TMPRSS9: variants seen among roughly 807,000 people sequenced by gnomAD.
TMPRSS9 encodes transmembrane protease serine 9.
A neutral mutation model predicts 111.4 loss-of-function variants in TMPRSS9; 113 were observed. The observed-to-expected ratio is 1.01, with a 90% confidence interval of 0.87 to 1.19. The LOEUF (loss-of-function observed/expected upper bound fraction) is 1.19, where lower values mean the gene tolerates loss of function less well. Among genes scored for constraint, TMPRSS9 ranks in the 50% most tolerant of loss-of-function variants. The probability of loss-of-function intolerance (pLI) is 0.00; values close to 1 mark genes in which losing one functional copy is unlikely to be tolerated. For missense variants in TMPRSS9, 1,803 were observed against 1,513.1 expected (o/e 1.19, Z -3.18); for synonymous variants, 805 against 659.1 (o/e 1.22, Z -3.39).
At chr19:2,409,208 T>C (rs536244839) in intron 8 of TMPRSS9, among the ~76,000 whole-genome samples, 102 of 149,400 alleles carry the variant, frequency 6.8e-4, no homozygotes, top group Non-Finnish European at 1.2e-3. Context: ...TGGTGCGATC[T>C]CTGCTCACTG....
At chr19:2,371,910 G>A (rs958589939) in intron 1 of TMPRSS9, among the ~76,000 whole-genome samples, 2 of 152,156 alleles carry the variant, frequency 1.3e-5, no homozygotes, top group Non-Finnish European at 2.9e-5. Context: ...GAGGCTGGTC[G>A]AGCCACAGGC....
At chr19:2,418,044 T>C (rs377760334) in exon 13 of TMPRSS9, 18 of 1,612,216 alleles carry the variant, frequency 1.1e-5, no homozygotes, top group African/African-American at 6.7e-5. Flanking sequence ...GTGGGCATCA[T>C]AGACCAGAAA....
At chr19:2,410,952 A>T (rs114122046) in intron 9 of TMPRSS9, among the ~76,000 whole-genome samples, 14,061 of 151,942 alleles carry the variant, frequency 0.093, 927 homozygotes, top group East Asian at 0.26. Flanking sequence ...AACCCCGTGG[A>T]CTTTTGCCCC....
chr19:2,394,312 A>G (rs963849322), intron 1 of TMPRSS9, among the ~76,000 whole-genome samples: 2 of 152,096 alleles, frequency 1.3e-5, no homozygotes, highest in Non-Finnish European at 2.9e-5. Flanking sequence ...ACCTGAGCCC[A>G]TGAGGTCGAG....
At chr19:2,424,599 C>T (rs1323543605) in intron 15 of TMPRSS9, among the ~76,000 whole-genome samples, 2 of 151,826 alleles carry the variant, frequency 1.3e-5, no homozygotes, top group Admixed American at 6.6e-5. Flanking sequence ...CCCCAGCCCT[C>T]GCCCCTGGGA....
chr19:2,395,744 A>C (rs1426498586), intron 1 of TMPRSS9, among the ~76,000 whole-genome samples: 1 of 152,058 alleles, frequency 6.6e-6, no homozygotes, highest in Admixed American at 6.6e-5. Flanking sequence ...GTGGTGGCTC[A>C]CGCCTGTAAT....
chr19:2,424,024 C>A, intron 14 of TMPRSS9, 65 bp from the exon 16 acceptor site: 1 of 1,244,036 alleles, frequency 8.0e-7, no homozygotes, highest in Non-Finnish European at 1.0e-6. Flanking sequence ...GAGGCGGCGC[C>A]CAGGGGGGCC....
chr19:2,396,371 T>C (rs906803805), intron 1 of TMPRSS9, 168 bp from the exon 3 acceptor site: 6 of 727,556 alleles, frequency 8.2e-6, no homozygotes, highest in Non-Finnish European at 1.2e-5. Flanking sequence ...GGGAGAGCCC[T>C]GTGAGTAGCT....
At chr19:2,367,419 G>A (rs917501525) in intron 1 of TMPRSS9, among the ~76,000 whole-genome samples, 11 of 151,990 alleles carry the variant, frequency 7.2e-5, no homozygotes, top group Middle Eastern at 3.4e-3. Flanking sequence ...TTTCAAGATG[G>A]AGTCTTGCTC....
At chr19:2,418,331 CTT>C (rs1159243284) in intron 13 of TMPRSS9, among the ~76,000 whole-genome samples, 193 bp downstream of exon 14, 13 of 44,578 alleles carry the variant, frequency 2.9e-4, no homozygotes, top group African/African-American at 2.8e-3. Context: ...CCCTCCCTCC[CTT>C]TCCTTCCCTC....
chr19:2,363,821 T>A (rs536776446), intron 1 of TMPRSS9, among the ~76,000 whole-genome samples: 1 of 112,168 alleles, frequency 8.9e-6, no homozygotes, highest in African/African-American at 3.5e-5. Context: ...CGCGTGTGTG[T>A]GTGAGAGAGA....
chr19:2,419,609 T>C (rs542520806), intron 13 of TMPRSS9, among the ~76,000 whole-genome samples: 2 of 151,530 alleles, frequency 1.3e-5, no homozygotes, highest in African/African-American at 2.4e-5. Flanking sequence ...CTCTGCCTCC[T>C]GGGTTCAAGT....
Position 2,425,162 on chromosome 19 carries a change from C to G in TMPRSS9, c.2878C>G (p.Arg960Gly), listed in dbSNP as rs374390088. 1.3e-4 allele frequency: 204 copies of G among 1,565,558 alleles called. No homozygotes were observed. Among genetic ancestry groups the G allele is most frequent in the Non-Finnish European group, 1.7e-4 (194 of 1,163,360 alleles). ...GCTGCTGGAGCTGGCGGGGCCGGTGCGTCGCAGCCGCCTGGTGCGTCCCAT... is the reference window on the plus strand; with the variant it reads ...GCTGCTGGAGCTGGCGGGGCCGGTGGGTCGCAGCCGCCTGGTGCGTCCCAT... Residue 960 changes from arginine (R) to glycine (G), a missense_variant, in exon 16 of 18, where the codon CGT becomes GGT. Transcript: ENST00000648592.
At chr19:2,393,655 T>G (rs1191283951) in intron 1 of TMPRSS9, among the ~76,000 whole-genome samples, 1 of 152,028 alleles carries the variant, frequency 6.6e-6, no homozygotes, top group Non-Finnish European at 1.5e-5. Context: ...ATCCCAGCAC[T>G]TTGGGAGGCT....
intron 10 of TMPRSS9, among the ~76,000 whole-genome samples, chr19:2,415,134 G>C (rs1971197310): frequency 6.6e-6 from 1 of 151,718 alleles, no homozygotes; most frequent in African/African-American, 2.4e-5. Flanking sequence ...TAGTAGAGTT[G>C]GGGTTTCGCC....
intron 1 of TMPRSS9, among the ~76,000 whole-genome samples, chr19:2,391,380 TC>T (rs1397558410): frequency 5.3e-5 from 8 of 151,326 alleles, no homozygotes; most frequent in East Asian, 1.9e-4. Context: ...TTTTCTTTTT[TC>T]TTTTTTTTAA....
chr19:2,380,075 A>G (rs2145260267), intron 1 of TMPRSS9, among the ~76,000 whole-genome samples: 1 of 152,120 alleles, frequency 6.6e-6, no homozygotes, highest in African/African-American at 2.4e-5. Flanking sequence ...TTTAGTTTTA[A>G]TAGCCACATG....
chr19:2,401,997 A>G (rs1298934117), exon 5 of TMPRSS9: 60 of 1,612,204 alleles, frequency 3.7e-5, no homozygotes, highest in Non-Finnish European at 5.0e-5. Flanking sequence ...GACCCTTGGC[A>G]GAAAGAGACT....
chr19:2,407,488 C>T (rs1205192613), intron 7 of TMPRSS9, among the ~76,000 whole-genome samples: 2 of 151,732 alleles, frequency 1.3e-5, no homozygotes, highest in East Asian at 1.9e-4. Context: ...GATCACGCCA[C>T]TGCACTCCAG....
Sources: allele counts gnomAD v4.1 joint callset (sites outside exome capture counted in the v4.1 genomes callset), GRCh38; gene constraint gnomAD v4.1.1; transcripts MANE v1.5; gene names NCBI Gene and HGNC (gene_info 2026-07-23, HGNC 2026-07-21).